The following ASIC2 variants were observed in gnomAD, a reference collection of about 807,000 sequenced individuals.
The protein encoded by ASIC2 is acid sensing ion channel subunit 2, also known as acid-sensing ion channel 2.
Under a neutral mutation model 57.3 loss-of-function variants are expected in ASIC2, and 25 were observed. That is an observed-to-expected ratio of 0.44 (90% confidence interval 0.32 to 0.61). ASIC2 has a LOEUF of 0.61. Among genes scored for constraint, ASIC2 ranks in the 20% least tolerant of loss-of-function variants. The probability of loss-of-function intolerance (pLI) is 0.06; values close to 1 mark genes in which losing one functional copy is unlikely to be tolerated. For missense variants in ASIC2, 641 were observed against 738.1 expected (o/e 0.87, Z 1.52); for synonymous variants, 319 against 307.5 (o/e 1.04, Z -0.39).
chr17:34,034,718 A>T (rs1567795604), intron 1 of ASIC2, among the ~76,000 whole-genome samples: 2 of 152,168 alleles, frequency 1.3e-5, no homozygotes, highest in Non-Finnish European at 1.5e-5. Context: ...TACACCAATA[A>T]CAGACAAACA....
intron 1 of ASIC2, among the ~76,000 whole-genome samples, chr17:33,510,381 G>C (rs933657572): frequency 6.6e-6 from 1 of 152,184 alleles, no homozygotes; most frequent in Admixed American, 6.5e-5. Context: ...GCCTGGCATG[G>C]TGGCTCATGC....
rs1405583506 is a variant in ASIC2, at chr17:33,517,088, C to T, written c.556-405021G>A. Among the ~76,000 whole-genome samples the T allele has an allele frequency of 2.0e-5, 3 of 152,294 alleles. No homozygotes were observed. In the East Asian group the frequency reaches 5.8e-4, roughly 29 times the overall value. On this transcript the variant is annotated intron_variant, in intron 1 of 9. Transcript: ENST00000359872. ...GAAATGGTTCTCAAACCCTCATAAC[C>T]TCTATCTTAGTTATACCTTTTGCTG...
intron 1 of ASIC2, chr17:33,935,773 T>C (rs775560401): frequency 6.6e-6 from 1 of 152,230 alleles, no homozygotes; most frequent in Non-Finnish European, 1.5e-5. Flanking sequence ...TGCTGTGCGC[T>C]TTAGCCACTG....
At chr17:33,484,984 A>C (rs1467362800) in intron 1 of ASIC2, among the ~76,000 whole-genome samples, 1 of 152,234 alleles carries the variant, frequency 6.6e-6, no homozygotes. Context: ...GCAATCATGG[A>C]GCTGTAACAC....
At chr17:34,085,177 G>C (rs976444960) in intron 1 of ASIC2, among the ~76,000 whole-genome samples, 5 of 152,142 alleles carry the variant, frequency 3.3e-5, no homozygotes, top group Non-Finnish European at 7.3e-5. Flanking sequence ...CTGTGGGTGT[G>C]TCATAGATAG....
chr17:34,011,622 G>A (rs1409632323), intron 1 of ASIC2, among the ~76,000 whole-genome samples: 2 of 151,998 alleles, frequency 1.3e-5, no homozygotes, highest in Admixed American at 6.6e-5. Flanking sequence ...AATAGGCATG[G>A]CCTCCGCCTC....
intron 1 of ASIC2, among the ~76,000 whole-genome samples, chr17:34,149,960 C>T (rs901849367): frequency 6.6e-6 from 1 of 152,118 alleles, no homozygotes; most frequent in South Asian, 2.1e-4. Context: ...CAGCACTAGT[C>T]ACAAAAGCCA....
At chr17:33,605,942 G>A (rs1015795589) in intron 1 of ASIC2, among the ~76,000 whole-genome samples, 16 of 152,200 alleles carry the variant, frequency 1.1e-4, no homozygotes, top group Non-Finnish European at 4.4e-5. Flanking sequence ...ACTTTCCTGG[G>A]GTGAGTGGCA....
intron 1 of ASIC2, among the ~76,000 whole-genome samples, chr17:33,209,149 T>TC (rs1195186503): frequency 1.3e-5 from 2 of 152,192 alleles, no homozygotes; most frequent in African/African-American, 4.8e-5. Flanking sequence ...TTAACTACCA[T>TC]CCTACATGAC....
intron 2 of ASIC2, chr17:33,100,038 T>C (rs1235751309): frequency 1.3e-5 from 2 of 152,218 alleles, no homozygotes; most frequent in African/African-American, 4.8e-5. Context: ...TGGGGAACAG[T>C]GGTCTGGATC....
intron 1 of ASIC2, among the ~76,000 whole-genome samples, chr17:33,198,695 T>A (rs560412299): frequency 1.6e-4 from 24 of 152,238 alleles, no homozygotes; most frequent in Non-Finnish European, 3.5e-4. Flanking sequence ...AAAAAAGGAC[T>A]CATTCCCTGT....
intron 1 of ASIC2, among the ~76,000 whole-genome samples, chr17:33,589,722 A>G (rs1904766668): frequency 6.6e-6 from 1 of 152,180 alleles, no homozygotes; most frequent in African/African-American, 2.4e-5. Context: ...AGGCTGAATA[A>G]TATTCATATA....
rs149867043 is a variant in ASIC2, at chr17:33,172,200, T to C, written c.709-60133A>G. ...AACTAGTAGTGGATTGGATGAGTAA[T>C]GTATCCTATACTCCCAAATGATCAT... On this transcript the variant is annotated intron_variant, in intron 1 of 9. Transcript: ENST00000225823. Among the ~76,000 whole-genome samples, 6 of 152,306 alleles carry C rather than the reference T, an allele frequency of 3.9e-5. No homozygotes were observed. The East Asian group carries it at 5.8e-4, about 15-fold the overall frequency.
intron 1 of ASIC2, among the ~76,000 whole-genome samples, chr17:33,360,893 A>G: frequency 6.6e-6 from 1 of 152,148 alleles, no homozygotes. Context: ...TAACCAGCTC[A>G]GCTACAGCAG....
chr17:33,115,088 T>G (rs867049097), intron 1 of ASIC2, among the ~76,000 whole-genome samples: 19 of 152,322 alleles, frequency 1.2e-4, no homozygotes, highest in African/African-American at 4.6e-4. Context: ...GACTGCCTCC[T>G]TGCTAGGGCT....
intron 1 of ASIC2, among the ~76,000 whole-genome samples, chr17:33,827,481 G>A (rs1031100738): frequency 5.4e-5 from 8 of 148,262 alleles, no homozygotes; most frequent in Middle Eastern, 3.5e-3. Context: ...ACAGGCGCCC[G>A]CCACCATGCC....
At chr17:33,112,799 C>CTCCA (rs1159774381) in intron 1 of ASIC2, 4 of 152,244 alleles carry the variant, frequency 2.6e-5, no homozygotes, top group Non-Finnish European at 5.9e-5. Context: ...AGATGACCTT[C>CTCCA]TCCAGCCCAT....
At chr17:33,603,738 A>G (rs1172812325) in intron 1 of ASIC2, among the ~76,000 whole-genome samples, 1 of 152,242 alleles carries the variant, frequency 6.6e-6, no homozygotes, top group Non-Finnish European at 1.5e-5. Flanking sequence ...TAACTGCTGT[A>G]AAAGATAAAC....
chr17:33,202,422 A>G (rs1020820085), intron 1 of ASIC2, among the ~76,000 whole-genome samples: 1 of 152,170 alleles, frequency 6.6e-6, no homozygotes, highest in African/African-American at 2.4e-5. Context: ...GGAAGATATT[A>G]AGTGTGAGAT....
Sources: gnomAD v4.1 joint callset for allele counts (sites outside exome capture counted in the v4.1 genomes callset) on GRCh38, gnomAD v4.1.1 for gene constraint, MANE v1.5 for transcripts, NCBI Gene and HGNC (gene_info 2026-07-23, HGNC 2026-07-21) for gene names.